The following COL26A1 variants were observed in gnomAD, a reference collection of about 807,000 sequenced individuals.
The protein encoded by COL26A1 is collagen alpha-1(XXVI) chain.
Under a neutral mutation model 59.3 loss-of-function variants are expected in COL26A1, and 41 were observed. That is an observed-to-expected ratio of 0.69 (90% CI 0.54 to 0.90). The LOEUF is 0.90. Among genes scored for constraint, COL26A1 ranks in the 40% least tolerant of loss-of-function variants. The pLI, the probability that COL26A1 is intolerant of heterozygous loss-of-function variation, is 0.00. For synonymous variants in COL26A1, 266 were observed against 256.0 expected, an observed-to-expected ratio of 1.04 and a Z score of -0.37; for missense variants, 612 against 602.3, an observed-to-expected ratio of 1.02 and a Z score of -0.17.
intron 2 of COL26A1, among the ~76,000 whole-genome samples, chr7:101,435,085 G>C (rs1792883739): frequency 6.6e-6 from 1 of 152,168 alleles, no homozygotes; most frequent in Non-Finnish European, 1.5e-5. Context: ...AGCACTTTGG[G>C]AGGCTGAGGC....
intron 10 of COL26A1, among the ~76,000 whole-genome samples, chr7:101,551,443 T>A (rs1474353785): frequency 1.3e-5 from 2 of 152,230 alleles, no homozygotes; most frequent in Non-Finnish European, 2.9e-5. Flanking sequence ...TAGGTTAACA[T>A]GCCGTGTGAC....
intron 1 of COL26A1, among the ~76,000 whole-genome samples, chr7:101,385,597 C>T (rs1266776285): frequency 6.6e-6 from 1 of 152,064 alleles, no homozygotes; most frequent in East Asian, 1.9e-4. Context: ...TCTCGAACTC[C>T]TGACCTCAAG....
At chr7:101,370,318 A>G (rs967800814) in intron 1 of COL26A1, among the ~76,000 whole-genome samples, 42 of 152,132 alleles carry the variant, frequency 2.8e-4, no homozygotes, top group African/African-American at 8.4e-4. Context: ...TTGGCTAGAT[A>G]TTTAAAAGTA....
intron 1 of COL26A1, among the ~76,000 whole-genome samples, chr7:101,378,236 T>G (rs1262275791): frequency 6.6e-6 from 1 of 152,078 alleles, no homozygotes; most frequent in African/African-American, 2.4e-5. Flanking sequence ...AAAAATTAGC[T>G]GGGTGTGGTG....
intron 3 of COL26A1, among the ~76,000 whole-genome samples, chr7:101,454,535 A>G (rs1204239554): frequency 6.6e-6 from 1 of 152,052 alleles, no homozygotes; most frequent in African/African-American, 2.4e-5. Flanking sequence ...CTGGGATTAC[A>G]GGGGTGAGCC....
chr7:101,557,397 C>T lies in COL26A1; in HGVS notation c.1193C>T (p.Ser398Phe). The part of the protein sequence containing the change: ...HDPLASPEGG[S>F]GQDAALRANL... ...CCCCTGGCCTCCCCAGAGGGAGGTT[C>T]TGGCCAGGATGCTGCCCTGAGAGCC... Residue 398 changes from serine (S) to phenylalanine (F), a missense_variant, in exon 13 of 13, where the codon TCT (serine) becomes TTT (phenylalanine). Ser to Phe is a radical substitution (Grantham distance 155). Transcript: ENST00000313669. The T allele has an allele frequency of 6.2e-7, 1 of 1,613,724 alleles. No individual in the cohort carries two copies. Among genetic ancestry groups the T allele is most frequent in the East Asian group, 2.2e-5 (1 of 44,872 alleles).
At chr7:101,413,665 C>G (rs1792299968) in intron 1 of COL26A1, among the ~76,000 whole-genome samples, 1 of 152,144 alleles carries the variant, frequency 6.6e-6, no homozygotes, top group African/African-American at 2.4e-5. Flanking sequence ...CCTGAGTGCT[C>G]AGCTGGGGAG....
At chr7:101,375,113 A>T (rs946614755) in intron 1 of COL26A1, among the ~76,000 whole-genome samples, 6 of 152,158 alleles carry the variant, frequency 3.9e-5, no homozygotes, top group South Asian at 2.1e-4. Context: ...TGTGAAGAGT[A>T]GGATCTGGAA....
chr7:101,539,754 C>T, intron 4 of COL26A1, 139 bp from the exon 5 acceptor site: 3 of 836,466 alleles, frequency 3.6e-6, no homozygotes, highest in Non-Finnish European at 5.3e-6. Flanking sequence ...GAGGTTCTCC[C>T]ACTAAGGAGC....
At chr7:101,387,754 T>A (rs4729702) in intron 1 of COL26A1, among the ~76,000 whole-genome samples, 4,400 of 93,796 alleles carry the variant, frequency 0.047, 124 homozygotes, top group African/African-American at 0.057. Context: ...ATATATATAT[T>A]TATATATATA....
chr7:101,402,038 C>T (rs1461433422), intron 1 of COL26A1, among the ~76,000 whole-genome samples: 2 of 152,172 alleles, frequency 1.3e-5, no homozygotes, highest in Admixed American at 6.5e-5. Flanking sequence ...ATTTCATTCT[C>T]CCCTGGATTC....
intron 3 of COL26A1, among the ~76,000 whole-genome samples, 184 bp downstream of exon 3, chr7:101,447,971 C>T (rs558752675): frequency 2.6e-5 from 4 of 152,320 alleles, no homozygotes; most frequent in South Asian, 2.1e-4. Context: ...TGAAGCTGCC[C>T]GCCCTGCCCG....
At chr7:101,413,243 G>T (rs957463709) in intron 1 of COL26A1, among the ~76,000 whole-genome samples, 1 of 152,168 alleles carries the variant, frequency 6.6e-6, no homozygotes, top group African/African-American at 2.4e-5. Context: ...TTGTGGCCGG[G>T]CGCGGTGGCT....
intron 3 of COL26A1, among the ~76,000 whole-genome samples, chr7:101,476,315 A>G (rs1794045401): frequency 6.6e-6 from 1 of 152,160 alleles, no homozygotes; most frequent in Non-Finnish European, 1.5e-5. Flanking sequence ...TGGTGATTAC[A>G]TATATGCCCA....
chr7:101,502,618 G>T (rs1451759270), intron 3 of COL26A1, among the ~76,000 whole-genome samples: 1 of 147,640 alleles, frequency 6.8e-6, no homozygotes, highest in Non-Finnish European at 1.5e-5. Flanking sequence ...GGCTGGAGCT[G>T]GGCTGGAGCC....
intron 1 of COL26A1, among the ~76,000 whole-genome samples, chr7:101,408,279 G>A (rs556121579): frequency 2.9e-4 from 44 of 152,324 alleles, no homozygotes; most frequent in African/African-American, 1.0e-3. Flanking sequence ...CCTCCATATA[G>A]GCCAGGACAG....
At chr7:101,441,744 G>A (rs1793063264) in intron 2 of COL26A1, among the ~76,000 whole-genome samples, 1 of 152,192 alleles carries the variant, frequency 6.6e-6, no homozygotes, top group Non-Finnish European at 1.5e-5. Context: ...TCTGTGTGAG[G>A]TGGAGGAGGG....
intron 3 of COL26A1, among the ~76,000 whole-genome samples, chr7:101,504,969 T>A (rs1051147102): frequency 2.0e-5 from 3 of 152,110 alleles, no homozygotes; most frequent in African/African-American, 7.2e-5. Context: ...GCCTGACCAA[T>A]ATGGTGAGAC....
intron 3 of COL26A1, among the ~76,000 whole-genome samples, chr7:101,490,729 T>C (rs189637372): frequency 6.6e-6 from 1 of 151,010 alleles, no homozygotes. Context: ...CTATGGACCA[T>C]GGCTCATGCC....
Sources: gnomAD v4.1 joint callset for allele counts (sites outside exome capture counted in the v4.1 genomes callset) on GRCh38, gnomAD v4.1.1 for gene constraint, MANE v1.5 for transcripts, NCBI Gene and HGNC (gene_info 2026-07-23, HGNC 2026-07-21) for gene names.